The following USP34 variants were observed in gnomAD, a reference collection of about 807,000 sequenced individuals.
USP34 encodes the protein ubiquitin carboxyl-terminal hydrolase 34.
USP34 carries 70 observed loss-of-function variants against 460.3 expected under a neutral mutation model. The ratio of observed to expected loss-of-function variants is 0.15; its 90% CI spans 0.13 to 0.19. The LOEUF is 0.19. USP34 is among the 10% of genes least tolerant of loss of function. The pLI is 1.00. For synonymous variants in USP34, 1,647 were observed against 1,405.3 expected, an observed-to-expected ratio of 1.17 and a Z score of -3.85; for missense variants, 3,985 against 4,236.2, an observed-to-expected ratio of 0.94 and a Z score of 1.65.
At chr2:61,438,601 AAAAAC>A (rs1280065265) in intron 1 of USP34, among the ~76,000 whole-genome samples, 6 of 120,506 alleles carry the variant, frequency 5.0e-5, no homozygotes, top group East Asian at 2.2e-4. Flanking sequence ...ACTCCATCTC[AAAAAC>A]AAAACAAAAA....
chr2:61,236,805 C>A (rs189402242), intron 53 of USP34, among the ~76,000 whole-genome samples: 69 of 152,272 alleles, frequency 4.5e-4, no homozygotes, highest in South Asian at 1.2e-3. Flanking sequence ...TTATAAAAAT[C>A]ATGAAAAATT....
intron 1 of USP34, among the ~76,000 whole-genome samples, chr2:61,466,527 C>T (rs548440668): frequency 6.6e-6 from 1 of 152,314 alleles, no homozygotes; most frequent in Non-Finnish European, 1.5e-5. Flanking sequence ...TAATTAACTT[C>T]AACTGATCAC....
chr2:61,239,744 C>T (rs1023545614), intron 53 of USP34, among the ~76,000 whole-genome samples: 5 of 152,150 alleles, frequency 3.3e-5, no homozygotes, highest in Admixed American at 6.5e-5. Flanking sequence ...CATTTGAGAA[C>T]AATCCTGTAA....
intron 10 of USP34, among the ~76,000 whole-genome samples, chr2:61,354,657 G>A (rs977286303): frequency 3.3e-5 from 5 of 152,158 alleles, no homozygotes; most frequent in Non-Finnish European, 7.4e-5. Context: ...GAGCCGAAAA[G>A]AGTAGCTTTT....
intron 23 of USP34, among the ~76,000 whole-genome samples, chr2:61,316,064 G>A (rs1011449211): frequency 6.7e-6 from 1 of 148,318 alleles, no homozygotes; most frequent in Admixed American, 6.8e-5. Context: ...AAAAAAATTA[G>A]CCAGGCAGGC....
At chr2:61,436,342 A>G (rs1694811503) in intron 1 of USP34, among the ~76,000 whole-genome samples, 2 of 152,174 alleles carry the variant, frequency 1.3e-5, no homozygotes. Flanking sequence ...ACACACATAG[A>G]CTAAAAGTGA....
chr2:61,350,474 C>T (rs1572958773), intron 11 of USP34, 85 bp from the exon 12 acceptor site: 3 of 1,552,234 alleles, frequency 1.9e-6, no homozygotes, highest in African/African-American at 2.8e-5. Flanking sequence ...ACTGAAATGC[C>T]AAGACAATAA....
At chr2:61,219,961 T>C (rs1446915892) in intron 67 of USP34, among the ~76,000 whole-genome samples, 1 of 151,840 alleles carries the variant, frequency 6.6e-6, no homozygotes, top group East Asian at 1.9e-4. Context: ...TCAGCCAATA[T>C]TTTCTCTCAG....
intron 69 of USP34, among the ~76,000 whole-genome samples, chr2:61,210,512 C>T (rs1687244198): frequency 6.6e-6 from 1 of 152,102 alleles, no homozygotes; most frequent in Non-Finnish European, 1.5e-5. Flanking sequence ...CTGATGTTTG[C>T]ACAATGATGA....
chr2:61,458,903 TA>T (rs371207545), intron 1 of USP34, among the ~76,000 whole-genome samples: 2,043 of 152,074 alleles, frequency 0.013, 58 homozygotes, highest in African/African-American at 0.047. Context: ...CCATTCCTAC[TA>T]AATTTACAAA....
chr2:61,318,851 T>A (rs1008091475), intron 22 of USP34, among the ~76,000 whole-genome samples: 1 of 152,082 alleles, frequency 6.6e-6, no homozygotes, highest in Non-Finnish European at 1.5e-5. Context: ...CCCCTGAAAA[T>A]TGGACTACAA....
chr2:61,368,589 A>C (rs1368718761), intron 10 of USP34, among the ~76,000 whole-genome samples: 1 of 152,230 alleles, frequency 6.6e-6, no homozygotes, highest in Admixed American at 6.5e-5. Flanking sequence ...CCAGTCAAGA[A>C]AAAATTGGTA....
chr2:61,248,858 G>T (rs1045760762), intron 48 of USP34, among the ~76,000 whole-genome samples, 175 bp from the exon 49 acceptor site: 4 of 152,090 alleles, frequency 2.6e-5, no homozygotes, highest in Non-Finnish European at 5.9e-5. Flanking sequence ...TGAAACTGAG[G>T]ACAGTATCAA....
At chr2:61,370,474 G>C (rs777014855) in intron 9 of USP34, 24 bp downstream of exon 9, 1 of 1,613,232 alleles carries the variant, frequency 6.2e-7, no homozygotes, top group East Asian at 2.2e-5. Flanking sequence ...ATAGAACAGA[G>C]AAGTTATGTA....
At chr2:61,352,096 C>G (rs1691958237) in intron 10 of USP34, among the ~76,000 whole-genome samples, 1 of 152,088 alleles carries the variant, frequency 6.6e-6, no homozygotes, top group Non-Finnish European at 1.5e-5. Context: ...TTGAAGATCT[C>G]TAATTCAATA....
At chr2:61,191,043 C>CCT (rs1288822759) in intron 76 of USP34, 1 of 158,614 alleles carries the variant, frequency 6.3e-6, no homozygotes, top group Admixed American at 6.2e-5. Flanking sequence ...GTAACCAGAG[C>CCT]ATATGTTGCA....
rs143958420 is a variant in USP34 at position 61,371,595 on chromosome 2, T to C, written c.1077-1016A>G. Reference sequence around the variant, plus strand: ...TAAGTTTATAAAAGTAAATAAAAAGTTAGAGTAAGCTAAGGTTAATTTAAT... The same window carrying C: ...TAAGTTTATAAAAGTAAATAAAAAGCTAGAGTAAGCTAAGGTTAATTTAAT... On this transcript the variant is annotated intron_variant, in intron 8 of 79. Coordinates refer to ENST00000398571, the MANE Select transcript of USP34 (RefSeq NM_014709.4). 5.6e-3 allele frequency among the ~76,000 whole-genome samples: 837 copies of C among 150,320 alleles called. 10 individuals carry two copies. Among genetic ancestry groups the C allele is most frequent in the Middle Eastern group, 0.054 (16 of 294 alleles).
At chr2:61,412,532 T>G (rs897500763) in intron 2 of USP34, among the ~76,000 whole-genome samples, 1 of 151,672 alleles carries the variant, frequency 6.6e-6, no homozygotes, top group African/African-American at 2.4e-5. Context: ...TTTGTAAAAT[T>G]CAACAAAAGG....
intron 1 of USP34, 27 bp from the exon 2 acceptor site, chr2:61,420,860 TATGA>T: frequency 1.3e-6 from 2 of 1,554,642 alleles, no homozygotes; most frequent in Non-Finnish European, 1.8e-6. Flanking sequence ...ATTTTAAAAT[TATGA>T]ATAATGCTAA....
Sources: gnomAD v4.1 joint callset for allele counts (sites outside exome capture counted in the v4.1 genomes callset) on GRCh38, gnomAD v4.1.1 for gene constraint, MANE v1.5 for transcripts, NCBI Gene and HGNC (gene_info 2026-07-23, HGNC 2026-07-21) for gene names.